Variants in GMDS observed in about 807,000 individuals in gnomAD.
GMDS encodes GDP-mannose 4,6-dehydratase, also known as GDP-mannose 4,6 dehydratase.
In GMDS, 20 loss-of-function variants were observed where a neutral mutation model predicts 49.9. The ratio of observed to expected loss-of-function variants is 0.40; its 90% CI spans 0.28 to 0.58. GMDS has a LOEUF of 0.58. Among genes scored for constraint, GMDS ranks in the 20% least tolerant of loss-of-function variants. GMDS has a pLI of 0.42. For missense variants in GMDS, 362 were observed against 481.4 expected (o/e 0.75, Z 2.32); for synonymous variants, 177 against 178.6 (o/e 0.99, Z 0.07).
intron 9 of GMDS, among the ~76,000 whole-genome samples, chr6:1,661,622 G>A (rs1422763889): frequency 4.6e-5 from 7 of 152,312 alleles, no homozygotes; most frequent in African/African-American, 1.7e-4. Flanking sequence ...TCCCCAGCAA[G>A]TGGGACTGTG....
intron 4 of GMDS, among the ~76,000 whole-genome samples, chr6:1,986,916 G>T (rs1032564412): frequency 3.9e-5 from 6 of 152,176 alleles, no homozygotes. Context: ...AATAAGCTAA[G>T]AAGCAAGAGA....
chr6:1,913,253 C>T (rs1467605928), intron 7 of GMDS, among the ~76,000 whole-genome samples: 1 of 150,226 alleles, frequency 6.7e-6, no homozygotes, highest in East Asian at 2.0e-4. Flanking sequence ...TAGTGGCGGG[C>T]GCCTGTAGTC....
intron 1 of GMDS, among the ~76,000 whole-genome samples, chr6:2,190,549 C>G (rs187513957): frequency 6.6e-6 from 1 of 152,190 alleles, no homozygotes; most frequent in Non-Finnish European, 1.5e-5. Flanking sequence ...AGTGTCCTCT[C>G]GGACAGGACC....
chr6:2,030,122 C>G (rs991708198), intron 4 of GMDS, among the ~76,000 whole-genome samples: 1 of 152,232 alleles, frequency 6.6e-6, no homozygotes, highest in South Asian at 2.1e-4. Context: ...GTTCCCACAG[C>G]ATGCTCTGCA....
intron 4 of GMDS, among the ~76,000 whole-genome samples, chr6:1,969,789 C>T (rs2127318827): frequency 6.6e-6 from 1 of 152,298 alleles, no homozygotes; most frequent in South Asian, 2.1e-4. Flanking sequence ...TGGCGTGCTT[C>T]ACCTCGGAGT....
intron 6 of GMDS, among the ~76,000 whole-genome samples, chr6:1,935,229 A>C (rs1022628841): frequency 3.9e-5 from 6 of 152,224 alleles, no homozygotes; most frequent in Non-Finnish European, 8.8e-5. Flanking sequence ...CTGAAGTCAT[A>C]GTCTCCTCTG....
intron 1 of GMDS, among the ~76,000 whole-genome samples, chr6:2,166,697 G>T (rs976564982): frequency 1.3e-5 from 2 of 152,148 alleles, no homozygotes; most frequent in Non-Finnish European, 2.9e-5. Context: ...CAAGTCAGGC[G>T]CTATCTTACT....
intron 7 of GMDS, among the ~76,000 whole-genome samples, chr6:1,769,217 G>A (rs1051896729): frequency 9.8e-5 from 15 of 152,300 alleles, no homozygotes; most frequent in South Asian, 2.1e-4. Context: ...CTGGGTTTAC[G>A]GAGATAAAGA....
intron 4 of GMDS, among the ~76,000 whole-genome samples, chr6:1,999,284 T>A (rs2127377417): frequency 7.1e-6 from 1 of 140,626 alleles, no homozygotes; most frequent in Non-Finnish European, 1.5e-5. Flanking sequence ...ACTGCACCAC[T>A]GTACTACAGC....
rs369389464 is a variant in GMDS at position 1,873,270 on chromosome 6, C to T, written c.771+56833G>A. 4.3e-4 allele frequency among the ~76,000 whole-genome samples: 65 copies of T among 152,330 alleles called. No individual in the cohort carries two copies. In the South Asian group the frequency reaches 0.013, roughly 30 times the overall value. On this transcript the variant is annotated intron_variant, in intron 7 of 10. Transcript: ENST00000380815. ...ATGATTATGCATTGCAACATTGCTG[C>T]CTGTCAGACGGTGTTTGCATTTGAC...
chr6:1,766,077 G>GAAA lies in GMDS; in HGVS notation c.772-23494_772-23492dup, dbSNP rs1304166340. On this transcript the variant is annotated intron_variant, in intron 7 of 10. Coordinates refer to ENST00000380815, the MANE Select transcript of GMDS (RefSeq NM_001500.4). This position sits in a 1 kb window ranked among gnomAD's most constrained non-coding sequence, Gnocchi z 4.5. Reference sequence around the variant, plus strand: ...AGTGGGCAGAGCGGCTGCACTATATGAAAACGACACATGTGAAATGGAGGG... The same window carrying GAAA: ...AGTGGGCAGAGCGGCTGCACTATATGAAAAAAACGACACATGTGAAATGGAGGG... 1.7e-3 allele frequency among the ~76,000 whole-genome samples: 263 copies of GAAA among 152,278 alleles called. 1 individual carries two copies. Among genetic ancestry groups the GAAA allele is most frequent in the Admixed American group, 3.4e-3 (52 of 15,298 alleles).
At position 1,624,201 on chromosome 6, in the gene GMDS, C is replaced by T. The variant is rs149819971; in HGVS notation, c.1087G>A (p.Val363Met). The part of the protein sequence containing the change: ...ELVREMVHAD[V>M]ELMRTNPNA ...TTGGGGTTTGTCCTCATGAGCTCCA[C>T]GTCGGCGTGCACCATCTCCCTCACC... is the stretch of plus-strand genomic sequence containing the variant. The change falls in exon 11 of 11, where the codon GTG becomes ATG. Residue 363 changes from valine (V) to methionine (M), a missense_variant. Physicochemically the swap from Val to Met is conservative, Grantham distance 21. Transcript: ENST00000380815. 24 of 1,610,836 alleles carry T rather than the reference C, an allele frequency of 1.5e-5. No individual in the cohort carries two copies. The South Asian group carries it at 1.5e-4, about 10-fold the overall frequency.
At position 2,044,794 on chromosome 6, in the gene GMDS, G is replaced by A. The variant is rs115587811; in HGVS notation, c.345+70977C>T. The stretch of plus-strand genomic sequence containing the variant: ...GCCATTATTAATTGGAACACTTCAA[G>A]TGTTTCACAGCTAAATATGTCTGTT... On this transcript the variant is annotated intron_variant, in intron 4 of 10. Transcript: ENST00000380815. 2.2e-3 allele frequency among the ~76,000 whole-genome samples: 335 copies of A among 152,296 alleles called. 1 individual carries two copies. Among genetic ancestry groups the A allele is most frequent in the Non-Finnish European group, 3.9e-3 (263 of 68,004 alleles).
At chr6:2,119,042 TAG>T (rs1774999410) in intron 2 of GMDS, among the ~76,000 whole-genome samples, 1 of 152,146 alleles carries the variant, frequency 6.6e-6, no homozygotes, top group African/African-American at 2.4e-5. Flanking sequence ...ACTTATGAAA[TAG>T]ATTTCTCAGA....
intron 4 of GMDS, among the ~76,000 whole-genome samples, chr6:2,005,579 CACTCG>C (rs1221526908): frequency 2.6e-5 from 4 of 152,206 alleles, no homozygotes; most frequent in Non-Finnish European, 5.9e-5. Flanking sequence ...CATAGTCTGT[CACTCG>C]ACTCACTCTA....
chr6:2,040,896 A>G (rs558942599), intron 4 of GMDS, among the ~76,000 whole-genome samples: 1 of 152,352 alleles, frequency 6.6e-6, no homozygotes, highest in Non-Finnish European at 1.5e-5. Context: ...AACACAGCAC[A>G]AAAATACACA....
In GMDS at chr6:2,205,820, CAGAG is replaced by C. The variant is rs369729253; in HGVS notation, c.102+39497_102+39500del. Among the ~76,000 whole-genome samples the C allele has an allele frequency of 5.2e-4, 79 of 152,088 alleles. No homozygotes were observed. In the South Asian group the frequency reaches 0.016, roughly 31 times the overall value. ...TGTAGGCTTTTGTGTGTAAGTGTGA[CAGAG>C]AGGTTTTTGATAATGATATCAATTT... On this transcript the variant is annotated intron_variant, in intron 1 of 10. Transcript: ENST00000380815.
chr6:2,093,089 AC>A (rs1773412113), intron 4 of GMDS, among the ~76,000 whole-genome samples: 1 of 152,192 alleles, frequency 6.6e-6, no homozygotes. Context: ...AAAGCAGGAA[AC>A]CTATAGTCTC....
At chr6:1,796,505 A>G (rs926394735) in intron 7 of GMDS, among the ~76,000 whole-genome samples, 7 of 152,130 alleles carry the variant, frequency 4.6e-5, no homozygotes, top group African/African-American at 1.4e-4. Context: ...AAGCTCCCCA[A>G]ATGCTCATAA....
Sources: gnomAD v4.1 joint callset for allele counts (sites outside exome capture counted in the v4.1 genomes callset) on GRCh38, gnomAD v4.1.1 for gene constraint, Gnocchi (gnomAD v3.1) non-coding constraint, MANE v1.5 for transcripts, NCBI Gene and HGNC (gene_info 2026-07-23, HGNC 2026-07-21) for gene names.